Variants in SORCS2 observed in about 807,000 individuals in gnomAD.
SORCS2 encodes the protein VPS10 domain-containing receptor SorCS2.
SORCS2 carries 100 observed loss-of-function variants against 141.6 expected under a neutral mutation model. The observed-to-expected ratio is 0.71, with a 90% confidence interval of 0.60 to 0.83. The LOEUF is 0.83. Among genes scored for constraint, SORCS2 ranks in the 40% least tolerant of loss-of-function variants. SORCS2 has a pLI of 0.00. For missense variants in SORCS2, 1,646 were observed against 1,560.2 expected (o/e 1.05, Z -0.93); for synonymous variants, 789 against 676.9 (o/e 1.17, Z -2.57).
At chr4:7,371,724 C>T (rs759119023) in intron 1 of SORCS2, among the ~76,000 whole-genome samples, 24 of 152,162 alleles carry the variant, frequency 1.6e-4, no homozygotes, top group Admixed American at 9.8e-4. Flanking sequence ...ACACTGACCC[C>T]GGGAGCCACG....
At chr4:7,342,925 G>C (rs752195676) in intron 1 of SORCS2, among the ~76,000 whole-genome samples, 14 of 152,340 alleles carry the variant, frequency 9.2e-5, no homozygotes, top group Non-Finnish European at 1.5e-4. Flanking sequence ...CTGCTTCCCT[G>C]GGTGCTGGCC....
At chr4:7,386,497 A>G (rs534672288) in intron 1 of SORCS2, among the ~76,000 whole-genome samples, 19 of 81,756 alleles carry the variant, frequency 2.3e-4, no homozygotes, top group Admixed American at 1.5e-3. Context: ...GCACACACGC[A>G]CACACATGCC....
intron 2 of SORCS2, among the ~76,000 whole-genome samples, chr4:7,465,594 A>G (rs1286733617): frequency 6.6e-6 from 1 of 152,162 alleles, no homozygotes; most frequent in Non-Finnish European, 1.5e-5. Context: ...ATATGTGTGC[A>G]CTTTTCTTTT....
At chr4:7,280,045 A>T (rs1429857309) in intron 1 of SORCS2, among the ~76,000 whole-genome samples, 1 of 152,100 alleles carries the variant, frequency 6.6e-6, no homozygotes, top group Non-Finnish European at 1.5e-5. Context: ...AGCTTCTGAT[A>T]ATTTGGGATC....
intron 2 of SORCS2, among the ~76,000 whole-genome samples, chr4:7,494,354 A>C (rs776332788): frequency 1.2e-4 from 19 of 152,218 alleles, no homozygotes; most frequent in Non-Finnish European, 2.5e-4. Context: ...GGCTTAGTCC[A>C]TGTGAGCTGC....
At chr4:7,526,489 C>T (rs75257857) in intron 2 of SORCS2, among the ~76,000 whole-genome samples, 16 of 152,268 alleles carry the variant, frequency 1.1e-4, no homozygotes, top group East Asian at 3.9e-4. Flanking sequence ...ATAAAAGGAT[C>T]GGTGGTTGCC....
chr4:7,328,227 G>A (rs1471440194), intron 1 of SORCS2, among the ~76,000 whole-genome samples: 1 of 150,498 alleles, frequency 6.6e-6, no homozygotes, highest in Non-Finnish European at 1.5e-5. Context: ...GTAGAGATGG[G>A]GTTTTACCAT....
intron 8 of SORCS2, among the ~76,000 whole-genome samples, chr4:7,671,778 G>A (rs1371925065): frequency 2.6e-5 from 4 of 152,028 alleles, no homozygotes; most frequent in Admixed American, 2.0e-4. Flanking sequence ...GAGAGATAAA[G>A]GCAGAGAGAC....
intron 1 of SORCS2, among the ~76,000 whole-genome samples, chr4:7,341,715 C>G (rs1033902893): frequency 2.6e-5 from 4 of 152,234 alleles, no homozygotes; most frequent in Admixed American, 2.6e-4. Flanking sequence ...GAAATTCACA[C>G]AGCATACAAT....
intron 4 of SORCS2, among the ~76,000 whole-genome samples, chr4:7,639,205 T>C (rs1712237140): frequency 6.6e-6 from 1 of 152,292 alleles, no homozygotes; most frequent in South Asian, 2.1e-4. Flanking sequence ...CAGAAACTTA[T>C]TCTGTCACAA....
At chr4:7,222,768 G>A (rs1244431771) in intron 1 of SORCS2, among the ~76,000 whole-genome samples, 6 of 152,090 alleles carry the variant, frequency 3.9e-5, no homozygotes, top group African/African-American at 1.2e-4. Flanking sequence ...GGGCTGGGGC[G>A]TACAGATCTG....
At chr4:7,501,310 C>A (rs912236374) in intron 2 of SORCS2, among the ~76,000 whole-genome samples, 1 of 151,624 alleles carries the variant, frequency 6.6e-6, no homozygotes, top group African/African-American at 2.4e-5. Flanking sequence ...TGCAATCAAT[C>A]CTGAGCTTTT....
intron 1 of SORCS2, among the ~76,000 whole-genome samples, chr4:7,221,286 G>A (rs906542968): frequency 6.6e-6 from 1 of 152,218 alleles, no homozygotes; most frequent in Non-Finnish European, 1.5e-5. Flanking sequence ...GGTGAGATGG[G>A]AGCTCGCTGC....
chr4:7,607,046 G>A (rs1044364676), intron 3 of SORCS2, among the ~76,000 whole-genome samples: 1 of 152,144 alleles, frequency 6.6e-6, no homozygotes, highest in African/African-American at 2.4e-5. Flanking sequence ...TCAGCTCAGA[G>A]GCAGAAAGCC....
intron 7 of SORCS2, among the ~76,000 whole-genome samples, chr4:7,665,100 C>A (rs1026951918): frequency 4.6e-5 from 7 of 152,202 alleles, no homozygotes; most frequent in Non-Finnish European, 1.0e-4. Context: ...TCTGTTCTGC[C>A]CTCTGGGACC....
intron 2 of SORCS2, among the ~76,000 whole-genome samples, chr4:7,506,255 C>G (rs1173256456): frequency 6.6e-6 from 1 of 152,168 alleles, no homozygotes; most frequent in East Asian, 1.9e-4. Context: ...CTGCCATAGT[C>G]TGGGCTTAAT....
At chr4:7,280,397 CTG>C (rs1715794548) in intron 1 of SORCS2, among the ~76,000 whole-genome samples, 2 of 152,204 alleles carry the variant, frequency 1.3e-5, no homozygotes, top group Non-Finnish European at 1.5e-5. Context: ...GGTTTTGAAA[CTG>C]TTGTTAACAT....
chr4:7,226,243 C>G (rs558101332), intron 1 of SORCS2, among the ~76,000 whole-genome samples: 1 of 152,268 alleles, frequency 6.6e-6, no homozygotes, highest in African/African-American at 2.4e-5. Flanking sequence ...GGTGGCCTCA[C>G]TGAGCCCCTT....
At chr4:7,552,459 A>G (rs1691974547) in intron 3 of SORCS2, among the ~76,000 whole-genome samples, 1 of 152,150 alleles carries the variant, frequency 6.6e-6, no homozygotes, top group Non-Finnish European at 1.5e-5. Context: ...TTCTCTGACA[A>G]AAAAGCACTG....
Sources: allele counts gnomAD v4.1 joint callset (sites outside exome capture counted in the v4.1 genomes callset), GRCh38; gene constraint gnomAD v4.1.1; transcripts MANE v1.5; gene names NCBI Gene and HGNC (gene_info 2026-07-23, HGNC 2026-07-21).